PPP2R5E: variants seen among roughly 807,000 people sequenced by gnomAD.
The protein encoded by PPP2R5E is serine/threonine-protein phosphatase 2A 56 kDa regulatory subunit epsilon isoform.
Under a neutral mutation model 65.3 loss-of-function variants are expected in PPP2R5E, and 4 were observed. That is an observed-to-expected ratio of 0.06 (90% CI 0.03 to 0.14). The LOEUF is 0.14. Among genes scored for constraint, PPP2R5E ranks in the 10% least tolerant of loss-of-function variants. The pLI is 1.00. For missense variants in PPP2R5E, 274 were observed against 556.1 expected (o/e 0.49, Z 5.10); for synonymous variants, 183 against 187.4 (o/e 0.98, Z 0.19).
At chr14:63,532,919 C>T (rs1170859573) in intron 2 of PPP2R5E, among the ~76,000 whole-genome samples, 1 of 152,202 alleles carries the variant, frequency 6.6e-6, no homozygotes, top group Non-Finnish European at 1.5e-5. Flanking sequence ...ACTGCAGCGT[C>T]GATCTCCTGG....
At chr14:63,399,611 TA>T (rs1885630650) in intron 5 of PPP2R5E, among the ~76,000 whole-genome samples, 1 of 151,984 alleles carries the variant, frequency 6.6e-6, no homozygotes, top group Admixed American at 6.5e-5. Flanking sequence ...TTGGAAACTT[TA>T]AAATGGTGAA....
chr14:63,493,164 CT>C (rs1275494616), intron 2 of PPP2R5E, among the ~76,000 whole-genome samples: 1 of 151,684 alleles, frequency 6.6e-6, no homozygotes, highest in African/African-American at 2.4e-5. Flanking sequence ...GTGTAAAGCA[CT>C]GTTGATAGTC....
intron 2 of PPP2R5E, among the ~76,000 whole-genome samples, chr14:63,495,900 G>A (rs1254105006): frequency 6.6e-6 from 1 of 151,852 alleles, no homozygotes; most frequent in African/African-American, 2.4e-5. Flanking sequence ...TATGTTGCCC[G>A]AGCTGGTCCC....
chr14:63,514,933 C>G (rs1892605101), intron 2 of PPP2R5E, among the ~76,000 whole-genome samples: 1 of 152,216 alleles, frequency 6.6e-6, no homozygotes, highest in South Asian at 2.1e-4. Flanking sequence ...AGTCACTCAG[C>G]TCACAAGGAA....
At chr14:63,450,427 CTT>C (rs1331139337) in intron 3 of PPP2R5E, among the ~76,000 whole-genome samples, 1 of 152,030 alleles carries the variant, frequency 6.6e-6, no homozygotes, top group Non-Finnish European at 1.5e-5. Flanking sequence ...ATAGGAGTCT[CTT>C]TTTTTGGCTG....
Position 63,508,307 on chromosome 14 carries a change from C to G in PPP2R5E, c.157+31222G>C. 4.3e-6 allele frequency: 3 copies of G among 705,400 alleles called. No homozygotes were observed. The African/African-American group carries it at 5.8e-5, about 14-fold the overall frequency. The allele number at this position is 705,400 out of a possible 1,614,324, so 43.7% of individuals were successfully genotyped here. A position where few individuals can be genotyped will look rare whatever the true frequency, so the allele number is the denominator to read the frequency against. ...GGCAACCCCCTCCCTCTGCCTGTCA[C>G]TCTTTGTTCTGTCACTCTCACAAAA... On this transcript the variant is annotated intron_variant, in intron 2 of 13. Transcript: ENST00000337537.
At chr14:63,430,913 TAAC>T (rs1887633522) in intron 3 of PPP2R5E, among the ~76,000 whole-genome samples, 1 of 152,210 alleles carries the variant, frequency 6.6e-6, no homozygotes, top group African/African-American at 2.4e-5. Context: ...CTATATGAAT[TAAC>T]ACAGCTACTT....
intron 1 of PPP2R5E, among the ~76,000 whole-genome samples, chr14:63,541,580 G>A (rs962217509): frequency 1.3e-5 from 2 of 152,208 alleles, no homozygotes; most frequent in African/African-American, 4.8e-5. Flanking sequence ...GACTCGGATA[G>A]AAAGAATGCA....
intron 2 of PPP2R5E, among the ~76,000 whole-genome samples, chr14:63,465,470 A>AC (rs1397882401): frequency 1.3e-5 from 1 of 78,148 alleles, no homozygotes; most frequent in African/African-American, 1.0e-4. Flanking sequence ...AAAAAAAAAA[A>AC]AAACAACAAC....
intron 2 of PPP2R5E, among the ~76,000 whole-genome samples, chr14:63,493,213 T>G (rs1046994500): frequency 1.1e-4 from 16 of 151,352 alleles, no homozygotes; most frequent in African/African-American, 2.7e-4. Flanking sequence ...GTGGGTTGTT[T>G]TTTTTTTTTA....
At chr14:63,477,329 C>G (rs536390295) in intron 2 of PPP2R5E, among the ~76,000 whole-genome samples, 1 of 152,052 alleles carries the variant, frequency 6.6e-6, no homozygotes. Context: ...GAACTGCCAA[C>G]CTGCTTTAAT....
intron 2 of PPP2R5E, among the ~76,000 whole-genome samples, chr14:63,484,751 T>C (rs977591555): frequency 6.6e-6 from 1 of 152,198 alleles, no homozygotes; most frequent in Non-Finnish European, 1.5e-5. Flanking sequence ...GCAAAAGATA[T>C]GGAGAGGTTC....
intron 2 of PPP2R5E, among the ~76,000 whole-genome samples, chr14:63,494,758 G>A (rs1306153644): frequency 6.6e-6 from 1 of 151,922 alleles, no homozygotes; most frequent in East Asian, 1.9e-4. Context: ...AGCCAAGCAT[G>A]GTGGTGCGTG....
chr14:63,498,347 T>C (rs1891683688), intron 2 of PPP2R5E, among the ~76,000 whole-genome samples: 1 of 150,750 alleles, frequency 6.6e-6, no homozygotes, highest in South Asian at 2.1e-4. Flanking sequence ...CTCTGTCCAC[T>C]TCACTAACCT....
chr14:63,494,536 T>C (rs1891443723), intron 2 of PPP2R5E, among the ~76,000 whole-genome samples: 1 of 145,300 alleles, frequency 6.9e-6, no homozygotes, highest in Admixed American at 6.8e-5. Flanking sequence ...CGCCCGGCTG[T>C]ACAGCCATTT....
At chr14:63,391,290 C>T (rs1248462967) in intron 10 of PPP2R5E, among the ~76,000 whole-genome samples, 4 of 152,168 alleles carry the variant, frequency 2.6e-5, no homozygotes, top group African/African-American at 7.2e-5. Flanking sequence ...ACTTAGTGTA[C>T]TGGGGCAGGC....
At chr14:63,415,468 T>C (rs763701145) in intron 4 of PPP2R5E, among the ~76,000 whole-genome samples, 2 of 152,180 alleles carry the variant, frequency 1.3e-5, no homozygotes, top group Non-Finnish European at 2.9e-5. Flanking sequence ...CCCATAATCT[T>C]GCCATTCAGA....
chr14:63,407,601 A>T (rs534964024), intron 5 of PPP2R5E, among the ~76,000 whole-genome samples: 56 of 152,358 alleles, frequency 3.7e-4, no homozygotes, highest in African/African-American at 1.2e-3. Flanking sequence ...AGTGAAGATC[A>T]TCACACATAA....
At chr14:63,484,851 T>C (rs1890901479) in intron 2 of PPP2R5E, among the ~76,000 whole-genome samples, 1 of 152,226 alleles carries the variant, frequency 6.6e-6, no homozygotes, top group Non-Finnish European at 1.5e-5. Flanking sequence ...AATAGTATCT[T>C]GTAAATTTAC....
Sources: allele counts gnomAD v4.1 joint callset (sites outside exome capture counted in the v4.1 genomes callset), GRCh38; gene constraint gnomAD v4.1.1; transcripts MANE v1.5; gene names NCBI Gene and HGNC (gene_info 2026-07-23, HGNC 2026-07-21).